The following PTPRE variants were observed in gnomAD, a reference collection of about 807,000 sequenced individuals.
PTPRE encodes the protein protein tyrosine phosphatase receptor type E.
Under a neutral mutation model 102.0 loss-of-function variants are expected in PTPRE, and 51 were observed. The ratio of observed to expected loss-of-function variants is 0.50; its 90% CI spans 0.40 to 0.63. The LOEUF is 0.63. PTPRE is among the 30% of genes least tolerant of loss of function. PTPRE has a pLI of 0.00. For synonymous variants in PTPRE, 345 were observed against 348.2 expected (o/e 0.99, Z 0.10); for missense variants, 752 against 915.1 (o/e 0.82, Z 2.30).
intron 1 of PTPRE, among the ~76,000 whole-genome samples, chr10:127,982,044 C>A (rs1425091471): frequency 6.6e-6 from 1 of 152,098 alleles, no homozygotes; most frequent in East Asian, 1.9e-4. Context: ...CACACCCCAC[C>A]ATCAACTGAT....
At chr10:128,034,936 T>C (rs192086145) in intron 2 of PTPRE, among the ~76,000 whole-genome samples, 124 of 152,350 alleles carry the variant, frequency 8.1e-4, no homozygotes, top group African/African-American at 2.9e-3. Flanking sequence ...ACGTTCTCAT[T>C]TTATTTTCAG....
intron 2 of PTPRE, among the ~76,000 whole-genome samples, chr10:128,009,272 T>C (rs1321859266): frequency 1.3e-5 from 2 of 152,234 alleles, no homozygotes; most frequent in African/African-American, 4.8e-5. Context: ...TTTGTTGCCT[T>C]CTCGTTTGGT....
At chr10:127,938,968 G>A (rs1589781951) in intron 1 of PTPRE, among the ~76,000 whole-genome samples, 2 of 152,302 alleles carry the variant, frequency 1.3e-5, no homozygotes. Flanking sequence ...GAGTAAATTT[G>A]GATGTGTGTT....
chr10:128,041,589 A>C (rs1847703768), intron 3 of PTPRE, among the ~76,000 whole-genome samples: 1 of 130,492 alleles, frequency 7.7e-6, no homozygotes, highest in Non-Finnish European at 1.5e-5. Flanking sequence ...CGGAGGTTGC[A>C]GTGAGCTGAG....
At chr10:127,913,502 T>G (rs1394632087) in intron 1 of PTPRE, among the ~76,000 whole-genome samples, 2 of 152,242 alleles carry the variant, frequency 1.3e-5, no homozygotes, top group Non-Finnish European at 2.9e-5. Context: ...ATGACCTCTG[T>G]ACTAAGTCCT....
chr10:128,080,389 C>T lies in PTPRE; in HGVS notation c.2028+694C>T, dbSNP rs114804253. ...TCTCCACGCTGACAATCCTGGCTCA[C>T]GCAGCGCCCTGTGCATAGAGAGGCA... On this transcript the variant is annotated intron_variant, in intron 20 of 20. Coordinates refer to ENST00000254667, the MANE Select transcript of PTPRE (RefSeq NM_006504.6). 8.2e-4 allele frequency among the ~76,000 whole-genome samples: 125 copies of T among 152,322 alleles called. 1 individual carries two copies. Among genetic ancestry groups the T allele is most frequent in the African/African-American group, 2.9e-3 (121 of 41,556 alleles).
At chr10:128,072,331 C>G in intron 16 of PTPRE, 117 bp downstream of exon 16, 1 of 976,486 alleles carries the variant, frequency 1.0e-6, no homozygotes, top group Non-Finnish European at 1.5e-6. Context: ...AGAAACTCAG[C>G]CATTTTTGTT....
intron 1 of PTPRE, among the ~76,000 whole-genome samples, chr10:127,955,622 T>G (rs1048284875): frequency 2.6e-5 from 4 of 152,244 alleles, no homozygotes; most frequent in African/African-American, 9.6e-5. Flanking sequence ...TCATAGTATT[T>G]AAGTCATGAG....
rs1262698161 is a variant in PTPRE, at chr10:128,079,592, C to T, written c.1925C>T (p.Ala642Val). 1 of 1,614,054 alleles carries T rather than the reference C, an allele frequency of 6.2e-7. No homozygotes were observed. The highest frequency in any genetic ancestry group is 8.5e-7 in the Non-Finnish European group (1 of 1,180,038). The change falls in exon 20 of 21, where the codon GCC (alanine) becomes GTC (valine). Residue 642 changes from alanine (A) to valine (V), a missense_variant. Ala to Val is a moderately conservative substitution (Grantham distance 64). Around this residue, in one of 2 missense-constraint regions of PTPRE, gnomAD observed 636 missense variants for 824.4 expected, o/e 0.77. Coordinates refer to ENST00000254667, the MANE Select transcript of PTPRE (RefSeq NM_006504.6). ...AGAGRTGTFI[A>V]LSNILERVKA... ...GCTGGGCGAACAGGTACATTCATAGCCCTCAGCAACATTTTGGAGCGAGTA... is the reference window on the plus strand; with the variant it reads ...GCTGGGCGAACAGGTACATTCATAGTCCTCAGCAACATTTTGGAGCGAGTA...
intron 1 of PTPRE, among the ~76,000 whole-genome samples, chr10:127,911,106 TTGAA>T (rs879471671): frequency 2.0e-5 from 3 of 152,100 alleles, no homozygotes; most frequent in Admixed American, 2.0e-4. Flanking sequence ...TCAATGAAGT[TTGAA>T]TGAATACATG....
intron 6 of PTPRE, among the ~76,000 whole-genome samples, chr10:128,052,490 GC>G (rs1208546206): frequency 2.0e-5 from 3 of 152,126 alleles, no homozygotes; most frequent in African/African-American, 7.2e-5. Flanking sequence ...GATACTCCCT[GC>G]CCCCCATAGG....
At chr10:127,985,630 G>A (rs1056771333) in intron 2 of PTPRE, among the ~76,000 whole-genome samples, 3 of 152,126 alleles carry the variant, frequency 2.0e-5, no homozygotes, top group African/African-American at 7.2e-5. Flanking sequence ...GGTTATCACT[G>A]CTACTCTTAT....
intron 1 of PTPRE, among the ~76,000 whole-genome samples, chr10:127,938,780 G>A (rs537386874): frequency 6.6e-6 from 1 of 152,254 alleles, no homozygotes; most frequent in Admixed American, 6.5e-5. Context: ...TTAAATAGCA[G>A]CAGTGCCAGT....
intron 2 of PTPRE, chr10:127,999,740 T>C: frequency 1.0e-6 from 1 of 985,330 alleles, no homozygotes; most frequent in African/African-American, 1.7e-5. Context: ...AATTTCTCCC[T>C]GCTGGATCTT....
rs536780951 is a variant in PTPRE at position 127,940,618 on chromosome 10, A to G, written c.-31+33309A>G. Among the ~76,000 whole-genome samples the G allele has an allele frequency of 2.0e-5, 3 of 152,292 alleles. No homozygotes were observed. The East Asian group carries it at 5.8e-4, about 29-fold the overall frequency. On this transcript the variant is annotated intron_variant, in intron 1 of 20. Transcript: ENST00000254667. ...AGGCTTGGTGCCAGGCACTGAACAC[A>G]CAGCTGAGTCCCAGATGGATGTCTT...
chr10:127,936,443 A>G (rs1475122463), intron 1 of PTPRE, among the ~76,000 whole-genome samples: 1 of 152,106 alleles, frequency 6.6e-6, no homozygotes, highest in East Asian at 1.9e-4. Flanking sequence ...AATAGTGTGT[A>G]TTTTCTATGT....
At chr10:128,011,384 C>G (rs1844992941) in intron 2 of PTPRE, among the ~76,000 whole-genome samples, 1 of 152,204 alleles carries the variant, frequency 6.6e-6, no homozygotes, top group South Asian at 2.1e-4. Context: ...CTAGAGTGAT[C>G]CTGCAAGGAT....
Position 127,955,526 on chromosome 10 carries a change from C to T in PTPRE, c.-30-26748C>T, listed in dbSNP as rs528881607. 7.2e-5 allele frequency among the ~76,000 whole-genome samples: 11 copies of T among 152,240 alleles called. No homozygotes were observed. The South Asian group carries it at 8.3e-4, about 11-fold the overall frequency. Reference sequence around the variant, plus strand: ...ATAGATGCATATAGTAAGCAAAGATCTTTATTTTCATTCCTCTCTTATTCT... The same window carrying T: ...ATAGATGCATATAGTAAGCAAAGATTTTTATTTTCATTCCTCTCTTATTCT... On this transcript the variant is annotated intron_variant, in intron 1 of 20. Coordinates refer to ENST00000254667, the MANE Select transcript of PTPRE (RefSeq NM_006504.6).
At chr10:128,048,350 T>C (rs1306967543) in intron 5 of PTPRE, among the ~76,000 whole-genome samples, 2 of 152,186 alleles carry the variant, frequency 1.3e-5, no homozygotes, top group Non-Finnish European at 2.9e-5. Context: ...ACATTGTTTT[T>C]CTCTCCATAC....
Sources: gnomAD v4.1 joint callset for allele counts (sites outside exome capture counted in the v4.1 genomes callset) on GRCh38, gnomAD v4.1.1 for gene constraint, gnomAD v4.1.1 regional missense constraint, MANE v1.5 for transcripts, NCBI Gene and HGNC (gene_info 2026-07-23, HGNC 2026-07-21) for gene names.